COX10: variants seen among roughly 807,000 people sequenced by gnomAD.
COX10 encodes cytochrome c oxidase assembly factor heme A:farnesyltransferase COX10.
In COX10, 27 loss-of-function variants were observed where a neutral mutation model predicts 37.3. That is an observed-to-expected ratio of 0.72 (90% CI 0.53 to 1.00). The LOEUF is 1.00. Ranked by LOEUF, COX10 falls within the 50% of genes least tolerant of loss-of-function variation. The pLI is 0.00. For synonymous variants in COX10, 222 were observed against 229.1 expected, an observed-to-expected ratio of 0.97 and a Z score of 0.28; for missense variants, 475 against 563.2, an observed-to-expected ratio of 0.84 and a Z score of 1.59.
chr17:14,204,561 A>G (rs1366242895), intron 6 of COX10, among the ~76,000 whole-genome samples: 1 of 151,872 alleles, frequency 6.6e-6, no homozygotes, highest in Non-Finnish European at 1.5e-5. Context: ...TACTGTCACC[A>G]TCCTGATCCT....
intron 6 of COX10, among the ~76,000 whole-genome samples, chr17:14,200,714 T>C (rs1297700639): frequency 6.6e-6 from 1 of 152,234 alleles, no homozygotes; most frequent in Non-Finnish European, 1.5e-5. Context: ...TAGCAAGTAT[T>C]TGATTAACAG....
chr17:14,121,468 G>A (rs909742157), intron 4 of COX10, among the ~76,000 whole-genome samples: 1 of 152,168 alleles, frequency 6.6e-6, no homozygotes. Flanking sequence ...TCTAACAGTT[G>A]CAGTTTCCTG....
At chr17:14,122,476 A>G (rs1916251504) in intron 4 of COX10, among the ~76,000 whole-genome samples, 1 of 152,190 alleles carries the variant, frequency 6.6e-6, no homozygotes, top group Admixed American at 6.5e-5. Context: ...TTAAAAATAG[A>G]GGAAACCAAG....
Position 14,184,846 on chromosome 17 carries a change from A to G in COX10, c.696-7143A>G, listed in dbSNP as rs558209966. Among the ~76,000 whole-genome samples the G allele has an allele frequency of 1.1e-4, 16 of 150,956 alleles. No individual in the cohort carries two copies. The East Asian group carries it at 2.9e-3, about 28-fold the overall frequency. On this transcript the variant is annotated intron_variant, in intron 5 of 6. Transcript: ENST00000261643. ...AGATGGGGACCAGCATCACATTGGT[A>G]ATGGTATAGTAGTTATCAAATCTCA...
chr17:14,178,593 A>T (rs1219163658), intron 5 of COX10, among the ~76,000 whole-genome samples: 669 of 148,276 alleles, frequency 4.5e-3, no homozygotes, highest in East Asian at 0.023. Flanking sequence ...TTTGTAGCCG[A>T]CTTCTGGAAA....
At chr17:14,140,030 C>T (rs1904490818) in intron 4 of COX10, among the ~76,000 whole-genome samples, 1 of 152,120 alleles carries the variant, frequency 6.6e-6, no homozygotes, top group South Asian at 2.1e-4. Flanking sequence ...CTCAAACTAA[C>T]CTTCAAAAGA....
At chr17:14,083,374 T>C (rs1915341028) in intron 3 of COX10, among the ~76,000 whole-genome samples, 1 of 152,250 alleles carries the variant, frequency 6.6e-6, no homozygotes, top group Admixed American at 6.5e-5. Flanking sequence ...AGAAAATACC[T>C]GATATCTGTC....
intron 4 of COX10, among the ~76,000 whole-genome samples, chr17:14,109,106 G>A (rs1044803393): frequency 6.6e-6 from 1 of 152,152 alleles, no homozygotes; most frequent in East Asian, 1.9e-4. Context: ...CATTCATTCA[G>A]TGGTCTCTGA....
chr17:14,076,869 G>A lies in COX10; in HGVS notation c.312G>A (p.Pro104=), dbSNP rs759276720. ...AEIYEMRPLS[P]PSLSLSRKPN... is the part of the protein sequence containing the mutation. ...TATATGAGATGAGACCTCTCTCACCGCCCAGCCTATCTTTGTCCAGAAAGC... is the reference window on the plus strand; with the variant it reads ...TATATGAGATGAGACCTCTCTCACCACCCAGCCTATCTTTGTCCAGAAAGC... The change falls in exon 3 of 7, where the codon CCG becomes CCA. Residue 104 remains proline, a synonymous_variant. Coordinates refer to ENST00000261643, the MANE Select transcript of COX10 (RefSeq NM_001303.4). The A allele has an allele frequency of 1.2e-5, 19 of 1,613,944 alleles. No individual in the cohort carries two copies. The highest frequency in any genetic ancestry group is 1.6e-4 in the Middle Eastern group (1 of 6,082).
At position 14,173,039 on chromosome 17, in the gene COX10, T is replaced by C. The variant is rs1484154024; in HGVS notation, c.695+13092T>C. 2.7e-5 allele frequency among the ~76,000 whole-genome samples: 4 copies of C among 148,486 alleles called. No individual in the cohort carries two copies. In the East Asian group the frequency reaches 7.7e-4, roughly 29 times the overall value. On this transcript the variant is annotated intron_variant, in intron 5 of 6. Transcript: ENST00000261643. ...ATTTGCCCACATTTCAATGGCATTA[T>C]TTGTTTGTTTGTTTGTTTTTACTAT...
chr17:14,139,298 T>A (rs914953560), intron 4 of COX10, among the ~76,000 whole-genome samples: 4 of 152,296 alleles, frequency 2.6e-5, no homozygotes, highest in South Asian at 2.1e-4. Context: ...CCTGCTTTAA[T>A]AAAATTATGA....
chr17:14,166,498 C>A (rs1457040936), intron 5 of COX10, among the ~76,000 whole-genome samples: 1 of 151,994 alleles, frequency 6.6e-6, no homozygotes, highest in Admixed American at 6.6e-5. Flanking sequence ...TGCTTATTGA[C>A]AATGCACCTG....
rs570923711 is a variant in COX10, at chr17:14,069,544, C to G, written c.-62C>G. The G allele has an allele frequency of 1.1e-5, 17 of 1,601,868 alleles. No individual in the cohort carries two copies. In the African/African-American group the frequency reaches 1.2e-4, roughly 11 times the overall value. ...GGGCGGGGAAGGAAGATGGCGGCGCCCAGCGTCCCGTGAGGAGAGAGGACA... is the reference window on the plus strand; with the variant it reads ...GGGCGGGGAAGGAAGATGGCGGCGCGCAGCGTCCCGTGAGGAGAGAGGACA... On this transcript the variant is annotated 5_prime_UTR_variant, in exon 1 of 7. Coordinates refer to ENST00000261643, the MANE Select transcript of COX10 (RefSeq NM_001303.4).
At chr17:14,186,263 G>T (rs1431909017) in intron 5 of COX10, among the ~76,000 whole-genome samples, 13 of 151,996 alleles carry the variant, frequency 8.6e-5, no homozygotes, top group Non-Finnish European at 1.8e-4. Flanking sequence ...CATTTGCCCA[G>T]AGGTCTCTGT....
intron 3 of COX10, among the ~76,000 whole-genome samples, chr17:14,085,166 G>A (rs534034839): frequency 6.6e-6 from 1 of 152,194 alleles, no homozygotes; most frequent in African/African-American, 2.4e-5. Flanking sequence ...AATCCTCCCT[G>A]AAAGGATTAT....
At chr17:14,146,532 A>AC (rs1398954225) in intron 4 of COX10, among the ~76,000 whole-genome samples, 1 of 152,160 alleles carries the variant, frequency 6.6e-6, no homozygotes, top group East Asian at 1.9e-4. Flanking sequence ...AAGACCTCAA[A>AC]CTAGTACAAG....
At chr17:14,105,985 A>C (rs1915884395) in intron 4 of COX10, among the ~76,000 whole-genome samples, 2 of 150,356 alleles carry the variant, frequency 1.3e-5, no homozygotes, top group Admixed American at 1.3e-4. Flanking sequence ...ACATCTCGCC[A>C]TGTCAGTATT....
rs756542391 is a variant in COX10 at position 14,152,209 on chromosome 17, C to T, written c.625-7668C>T. Among the ~76,000 whole-genome samples, 9 of 152,092 alleles carry T rather than the reference C, an allele frequency of 5.9e-5. No individual in the cohort carries two copies. The South Asian group carries it at 8.3e-4, about 14-fold the overall frequency. ...TTCATGCTGCTGATAAGACATAACCCGCGATTGGGCAATTTACAAAAGGAA... is the reference window on the plus strand; with the variant it reads ...TTCATGCTGCTGATAAGACATAACCTGCGATTGGGCAATTTACAAAAGGAA... On this transcript the variant is annotated intron_variant, in intron 4 of 6. Transcript: ENST00000261643.
At chr17:14,121,594 G>A (rs546583869) in intron 4 of COX10, among the ~76,000 whole-genome samples, 3 of 152,260 alleles carry the variant, frequency 2.0e-5, no homozygotes, top group Non-Finnish European at 4.4e-5. Context: ...TCTGTAAAAT[G>A]GAGACAGTAA....
Sources: allele counts gnomAD v4.1 joint callset (sites outside exome capture counted in the v4.1 genomes callset), GRCh38; gene constraint gnomAD v4.1.1; transcripts MANE v1.5; gene names NCBI Gene and HGNC (gene_info 2026-07-23, HGNC 2026-07-21).